CACNA2D3: variants seen among roughly 807,000 people sequenced by gnomAD.
The protein encoded by CACNA2D3 is voltage-dependent calcium channel subunit alpha-2/delta-3.
A neutral mutation model predicts 160.6 loss-of-function variants in CACNA2D3; 60 were observed. The observed-to-expected ratio is 0.37, with a 90% CI of 0.30 to 0.46. The LOEUF (loss-of-function observed/expected upper bound fraction) is 0.46. Ranked by LOEUF, CACNA2D3 falls within the 20% of genes least tolerant of loss-of-function variation. The pLI, the probability that CACNA2D3 is intolerant of heterozygous loss-of-function variation, is 1.00. For missense variants in CACNA2D3, 1,205 were observed against 1,365.0 expected, an observed-to-expected ratio of 0.88 and a Z score of 1.85; for synonymous variants, 558 against 492.9, an observed-to-expected ratio of 1.13 and a Z score of -1.75.
At chr3:54,880,898 G>A in intron 21 of CACNA2D3, 35 bp downstream of exon 21, 2 of 1,591,344 alleles carry the variant, frequency 1.3e-6, no homozygotes, top group East Asian at 4.5e-5. Context: ...ATCCTTTGGT[G>A]TGGGAGGAAA....
chr3:54,300,310 G>A (rs1703444287), intron 2 of CACNA2D3, among the ~76,000 whole-genome samples: 1 of 152,254 alleles, frequency 6.6e-6, no homozygotes, highest in Non-Finnish European at 1.5e-5. Context: ...GTCACCAGGT[G>A]ATGGACTTGA....
rs375699594 is a variant in CACNA2D3 at position 54,646,126 on chromosome 3, TCTTC to T, written c.1167+3907_1167+3910del. Among the ~76,000 whole-genome samples, 211 of 60,222 alleles carry T rather than the reference TCTTC, an allele frequency of 3.5e-3. 16 individuals are homozygous for T. Among genetic ancestry groups the T allele is most frequent in the African/African-American group, 0.014 (198 of 13,974 alleles). The allele number at this position is 60,222 out of a possible 152,430, so 39.5% of individuals were successfully genotyped here. On this transcript the variant is annotated intron_variant, in intron 11 of 37. Coordinates refer to ENST00000474759, the MANE Select transcript of CACNA2D3 (RefSeq NM_018398.3). ...GTTTTCCTTCCTTCCTTCCTTCCTT[TCTTC>T]CTTCCTTCCTTCCTTCCTTCCCTCC...
At chr3:54,489,946 T>C (rs1179780675) in intron 4 of CACNA2D3, among the ~76,000 whole-genome samples, 1 of 151,918 alleles carries the variant, frequency 6.6e-6, no homozygotes, top group Non-Finnish European at 1.5e-5. Context: ...GAAAATGAGA[T>C]GATTGAGTAG....
chr3:54,296,699 C>A (rs1028497725), intron 2 of CACNA2D3, among the ~76,000 whole-genome samples: 1 of 152,152 alleles, frequency 6.6e-6, no homozygotes, highest in Admixed American at 6.5e-5. Flanking sequence ...GAATAATGAT[C>A]CCTGGCTGTT....
intron 27 of CACNA2D3, among the ~76,000 whole-genome samples, chr3:54,907,096 C>T (rs1413010946): frequency 1.3e-5 from 2 of 152,200 alleles, no homozygotes; most frequent in African/African-American, 4.8e-5. Flanking sequence ...GCGCCCTCCA[C>T]TCAAAAATGA....
intron 27 of CACNA2D3, among the ~76,000 whole-genome samples, chr3:54,932,716 A>G (rs141208054): frequency 1.7e-3 from 263 of 152,262 alleles, no homozygotes; most frequent in African/African-American, 5.8e-3. Context: ...ATTTCTCCCA[A>G]TTGTAAGGTC....
chr3:55,072,204 G>C (rs2107235216), intron 35 of CACNA2D3, among the ~76,000 whole-genome samples: 1 of 152,284 alleles, frequency 6.6e-6, no homozygotes, highest in African/African-American at 2.4e-5. Context: ...AGTGGTTAAG[G>C]CATTGAGGAA....
rs1191834640 is a variant in CACNA2D3, at chr3:54,122,790, C to T, written c.77C>T (p.Ala26Val). The T allele has an allele frequency of 9.7e-6, 12 of 1,231,618 alleles. No individual in the cohort carries two copies. The highest frequency in any genetic ancestry group is 1.2e-5 in the Non-Finnish European group (12 of 982,876). The allele number at this position is 1,231,618 out of a possible 1,614,324, so 76.3% of individuals were successfully genotyped here. ...ALLAAALLYA[A>V]LGDVVRSEQQ... ...CTCGCTGCCGCGCTTCTCTACGCCG[C>T]GCTGGGGGACGTGGTGCGCTCGGAG... Residue 26 changes from alanine to valine, a missense_variant, in exon 1 of 38, where the codon GCG (alanine) becomes GTG (valine). Physicochemically the swap from Ala to Val is moderately conservative, Grantham distance 64. Around this residue, in one of 3 missense-constraint regions of CACNA2D3, gnomAD observed 163 missense variants for 161.3 expected, o/e 1.01. Coordinates refer to ENST00000474759, the MANE Select transcript of CACNA2D3 (RefSeq NM_018398.3).
At chr3:54,453,270 G>C (rs977614978) in intron 4 of CACNA2D3, among the ~76,000 whole-genome samples, 2 of 152,180 alleles carry the variant, frequency 1.3e-5, no homozygotes, top group Admixed American at 1.3e-4. Context: ...TGGGATTACA[G>C]GCATGAGCCA....
intron 35 of CACNA2D3, among the ~76,000 whole-genome samples, chr3:55,062,730 T>A (rs371208505): frequency 6.6e-6 from 1 of 152,228 alleles, no homozygotes; most frequent in African/African-American, 2.4e-5. Flanking sequence ...TTGTTTTGTT[T>A]ATGGCTTCTT....
chr3:54,841,055 A>G lies in CACNA2D3; in HGVS notation c.1551+2407A>G, dbSNP rs1326068846. On this transcript the variant is annotated intron_variant, in intron 16 of 37. Coordinates refer to ENST00000474759, the MANE Select transcript of CACNA2D3 (RefSeq NM_018398.3). ...CATGATTTTAACCTCTGTAACCACA[A>G]TGCTACCAAGAACAATAAGAGCAAT... Among the ~76,000 whole-genome samples, 6 of 152,202 alleles carry G rather than the reference A, an allele frequency of 3.9e-5. No homozygotes were observed. The East Asian group carries it at 5.8e-4, about 15-fold the overall frequency.
At chr3:54,854,365 C>T (rs1009694753) in intron 17 of CACNA2D3, among the ~76,000 whole-genome samples, 1 of 152,184 alleles carries the variant, frequency 6.6e-6, no homozygotes, top group South Asian at 2.1e-4. Flanking sequence ...CAGATTGCAG[C>T]GTTGAGGGGA....
chr3:54,991,413 G>C (rs1702741011), intron 31 of CACNA2D3, among the ~76,000 whole-genome samples: 1 of 151,956 alleles, frequency 6.6e-6, no homozygotes, highest in Non-Finnish European at 1.5e-5. Flanking sequence ...AGTAGAGACG[G>C]GGTTTCACCA....
chr3:54,361,957 A>G (rs1266655454), intron 3 of CACNA2D3, among the ~76,000 whole-genome samples: 1 of 152,218 alleles, frequency 6.6e-6, no homozygotes, highest in African/African-American at 2.4e-5. Context: ...TGTGTGGGTT[A>G]TGAAGACTAA....
intron 4 of CACNA2D3, among the ~76,000 whole-genome samples, chr3:54,474,966 C>T (rs2106883399): frequency 6.6e-6 from 1 of 152,192 alleles, no homozygotes; most frequent in East Asian, 1.9e-4. Flanking sequence ...ATTTTATAGC[C>T]ACTAGTCTTT....
intron 11 of CACNA2D3, among the ~76,000 whole-genome samples, chr3:54,706,645 T>C (rs1700862071): frequency 6.6e-6 from 1 of 152,204 alleles, no homozygotes; most frequent in Admixed American, 6.5e-5. Flanking sequence ...AGTTTGCTTC[T>C]CTTCAAAAAT....
At chr3:54,232,423 G>C (rs1701789562) in intron 2 of CACNA2D3, among the ~76,000 whole-genome samples, 2 of 152,084 alleles carry the variant, frequency 1.3e-5, no homozygotes. Flanking sequence ...ACTTATTGTA[G>C]GATTACTATA....
intron 4 of CACNA2D3, among the ~76,000 whole-genome samples, chr3:54,478,457 C>G (rs976664161): frequency 1.3e-5 from 2 of 151,226 alleles, no homozygotes; most frequent in African/African-American, 4.9e-5. Flanking sequence ...ACGGTGAAAC[C>G]CTGTCTCTAC....
intron 2 of CACNA2D3, among the ~76,000 whole-genome samples, chr3:54,250,198 A>G (rs1441992424): frequency 6.6e-6 from 1 of 152,152 alleles, no homozygotes. Flanking sequence ...TTTTGTGGTC[A>G]GTGGTGAACA....
Sources: gnomAD v4.1 joint callset for allele counts (sites outside exome capture counted in the v4.1 genomes callset) on GRCh38, gnomAD v4.1.1 for gene constraint, gnomAD v4.1.1 regional missense constraint, MANE v1.5 for transcripts, NCBI Gene and HGNC (gene_info 2026-07-23, HGNC 2026-07-21) for gene names.